The following IRGM variants were observed in gnomAD, a reference collection of about 807,000 sequenced individuals.
IRGM encodes the protein immunity-related GTPase family M protein.
For missense variants in IRGM, 288 were observed against 219.9 expected (o/e 1.31, Z -1.96); for synonymous variants, 98 against 80.6 (o/e 1.22, Z -1.16).
At chr5:150,882,128 G>A (rs1401589936) in intron 3 of IRGM, among the ~76,000 whole-genome samples, 1 of 151,792 alleles carries the variant, frequency 6.6e-6, no homozygotes, top group East Asian at 1.9e-4. Context: ...GCTGCTGTGA[G>A]CCATGATCTC....
intron 3 of IRGM, among the ~76,000 whole-genome samples, chr5:150,889,608 C>A (rs2113298304): frequency 6.6e-6 from 1 of 151,994 alleles, no homozygotes; most frequent in South Asian, 2.1e-4. Context: ...CTGCCTTGGA[C>A]CTCCAGTATA....
downstream of IRGM, chr5:150,848,789 TAG>T (rs1238778028): frequency 5.7e-6 from 4 of 705,628 alleles, no homozygotes; most frequent in African/African-American, 1.8e-5. Flanking sequence ...CGGGGGCATG[TAG>T]AGAGTGTGGT....
intron 3 of IRGM, among the ~76,000 whole-genome samples, chr5:150,893,688 G>A (rs1754656751): frequency 6.6e-6 from 1 of 152,048 alleles, no homozygotes; most frequent in African/African-American, 2.4e-5. Context: ...TGAAAACTAG[G>A]TATCTGCCAT....
chr5:150,854,331 G>A (rs565016935), intron 1 of IRGM, among the ~76,000 whole-genome samples: 2 of 152,152 alleles, frequency 1.3e-5, no homozygotes, highest in African/African-American at 2.4e-5. Context: ...AAAAAATAAA[G>A]TGTAGTTACA....
At chr5:150,873,956 A>T (rs149283224) in intron 1 of IRGM, among the ~76,000 whole-genome samples, 285 of 152,352 alleles carry the variant, frequency 1.9e-3, no homozygotes, top group Middle Eastern at 6.8e-3. Context: ...TGGCCTGTGA[A>T]GAGGACAGAT....
chr5:150,894,870 A>G (rs1205165763), intron 3 of IRGM: 1 of 152,330 alleles, frequency 6.6e-6, no homozygotes, highest in Non-Finnish European at 1.5e-5. Context: ...CCTTCCAGAG[A>G]TGCAGGTCAA....
At chr5:150,888,687 G>C (rs926050461) in intron 3 of IRGM, among the ~76,000 whole-genome samples, 1 of 152,004 alleles carries the variant, frequency 6.6e-6, no homozygotes, top group Non-Finnish European at 1.5e-5. Context: ...ACATGGTTCT[G>C]AATGACTATG....
At chr5:150,895,428 G>T (rs1367891141) in intron 3 of IRGM, 1 of 1,592,548 alleles carries the variant, frequency 6.3e-7, no homozygotes, top group Admixed American at 1.7e-5. Flanking sequence ...AGTTCATTAT[G>T]ATTTTACCAC....
At chr5:150,888,196 A>G (rs1486256662) in intron 3 of IRGM, among the ~76,000 whole-genome samples, 2 of 152,112 alleles carry the variant, frequency 1.3e-5, no homozygotes, top group Admixed American at 6.6e-5. Flanking sequence ...CAGACTTTAA[A>G]CCAGCAAAGA....
chr5:150,886,732 G>C (rs1344170645), intron 3 of IRGM, among the ~76,000 whole-genome samples: 5 of 151,890 alleles, frequency 3.3e-5, no homozygotes, highest in African/African-American at 1.2e-4. Context: ...TATTCCTATG[G>C]GGTTAGGGGT....
intron 1 of IRGM, among the ~76,000 whole-genome samples, chr5:150,859,919 A>T (rs564424487): frequency 2.0e-5 from 3 of 152,282 alleles, no homozygotes; most frequent in Admixed American, 1.3e-4. Context: ...GTACAGGATG[A>T]CAACTAAGAA....
At chr5:150,900,346 T>C (rs1290534240) in intron 3 of IRGM, among the ~76,000 whole-genome samples, 3 of 152,072 alleles carry the variant, frequency 2.0e-5, no homozygotes, top group South Asian at 2.1e-4. Context: ...CACTCTGCCC[T>C]TTCTACTTTT....
intron 3 of IRGM, chr5:150,897,671 G>A (rs370163647): frequency 2.6e-5 from 5 of 190,852 alleles, no homozygotes; most frequent in African/African-American, 1.2e-4. Flanking sequence ...TGCATGCTCT[G>A]AAAAATGTTT....
chr5:150,885,657 A>G (rs1015929334), intron 3 of IRGM, among the ~76,000 whole-genome samples: 1 of 151,786 alleles, frequency 6.6e-6, no homozygotes, highest in African/African-American at 2.4e-5. Context: ...ATTCTTAGGT[A>G]TTTTATTATT....
intron 3 of IRGM, chr5:150,896,705 A>C (rs1156911016): frequency 3.7e-6 from 6 of 1,613,504 alleles, no homozygotes; most frequent in Non-Finnish European, 1.7e-6. Flanking sequence ...GTATTGATAT[A>C]TCTGTTTCTA....
intron 1 of IRGM, among the ~76,000 whole-genome samples, chr5:150,857,434 G>GTA (rs1323011194): frequency 6.6e-6 from 1 of 152,082 alleles, no homozygotes; most frequent in Non-Finnish European, 1.5e-5. Context: ...ATTCCTTTGG[G>GTA]TATATACCCA....
intron 1 of IRGM, among the ~76,000 whole-genome samples, chr5:150,872,886 A>G (rs1754305425): frequency 6.6e-6 from 1 of 152,208 alleles, no homozygotes; most frequent in African/African-American, 2.4e-5. Context: ...AGGGTCCAGA[A>G]GACATACCCT....
downstream of IRGM, among the ~76,000 whole-genome samples, chr5:150,850,653 A>C (rs1179485376): frequency 6.6e-6 from 1 of 152,186 alleles, no homozygotes; most frequent in Non-Finnish European, 1.5e-5. Flanking sequence ...CCTCGAACTC[A>C]TGGTATCTTC....
downstream of IRGM, among the ~76,000 whole-genome samples, chr5:150,850,647 G>A (rs1374243573): frequency 1.3e-5 from 2 of 152,090 alleles, no homozygotes; most frequent in African/African-American, 2.4e-5. Context: ...CTTGAGCCTC[G>A]AACTCATGGT....
Sources: allele counts gnomAD v4.1 joint callset (sites outside exome capture counted in the v4.1 genomes callset), GRCh38; gene constraint gnomAD v4.1.1; transcripts MANE v1.5; gene names NCBI Gene and HGNC (gene_info 2026-07-23, HGNC 2026-07-21).